The following NUMA1 variants were observed in gnomAD, a reference collection of about 807,000 sequenced individuals.
The protein encoded by NUMA1 is SP-H antigen.
NUMA1 carries 62 observed loss-of-function variants against 237.1 expected under a neutral mutation model. That is an observed-to-expected ratio of 0.26 (90% CI 0.21 to 0.32). The LOEUF (loss-of-function observed/expected upper bound fraction) is 0.32, where lower values mean the gene tolerates loss of function less well. Among genes scored for constraint, NUMA1 ranks in the 10% least tolerant of loss-of-function variants. The pLI, the probability that NUMA1 is intolerant of heterozygous loss-of-function variation, is 1.00. For missense variants in NUMA1, 2,533 were observed against 2,666.5 expected (o/e 0.95, Z 1.10); for synonymous variants, 1,028 against 1,066.1 (o/e 0.96, Z 0.70).
At chr11:72,011,585 A>G (rs1956167555) in intron 16 of NUMA1, among the ~76,000 whole-genome samples, 1 of 152,176 alleles carries the variant, frequency 6.6e-6, no homozygotes, top group African/African-American at 2.4e-5. Context: ...ACTGTTTGCT[A>G]TTCACTTTGA....
At chr11:72,009,733 C>G (rs5019605) in intron 17 of NUMA1, among the ~76,000 whole-genome samples, 141,022 of 152,132 alleles carry the variant, frequency 0.93, 65,610 homozygotes, top group Non-Finnish European at 0.98. Context: ...CAGAGCCTTA[C>G]TCTAAGGCAC....
chr11:72,057,045 C>A lies in NUMA1; in HGVS notation c.-33+12797G>T, dbSNP rs79641614. 4.5e-3 allele frequency among the ~76,000 whole-genome samples: 680 copies of A among 150,116 alleles called. 11 individuals carry two copies. Among genetic ancestry groups the A allele is most frequent in the African/African-American group, 0.015 (598 of 40,840 alleles). ...AGATACTATCAATTGTAAAATACAC[C>A]CCAATTTCAGTGTTAAAATATTAAA... is the stretch of plus-strand genomic sequence containing the variant. On this transcript the variant is annotated intron_variant, in intron 2 of 26. Coordinates refer to ENST00000393695, the MANE Select transcript of NUMA1 (RefSeq NM_006185.4).
chr11:72,018,923 G>T lies in NUMA1; in HGVS notation c.642C>A (p.Phe214Leu). 6.2e-7 allele frequency: 1 copy of T among 1,614,060 alleles called. No individual in the cohort carries two copies. The highest frequency in any genetic ancestry group is 8.5e-7 in the Non-Finnish European group (1 of 1,180,016). Residue 214 changes from phenylalanine (F) to leucine (L), a missense_variant, in exon 10 of 27, where the codon TTC becomes TTA. Physicochemically the swap from Phe to Leu is conservative, Grantham distance 22. This residue lies in a region of NUMA1 where 1,414 missense variants were observed against 1,508.1 expected (regional missense o/e 0.94). Transcript: ENST00000393695. The part of the protein sequence containing the change: ...PMGDILQTPQ[F>L]QMRRLKKQLA... ...GCTGCTTCTTCAGCCGTCTCATCTGGAACTGTGGGGTCTGCAGGATATCAC... is the reference window on the plus strand; with the variant it reads ...GCTGCTTCTTCAGCCGTCTCATCTGTAACTGTGGGGTCTGCAGGATATCAC...
chr11:72,019,044 G>A, intron 9 of NUMA1, 64 bp from the exon 10 acceptor site: 1 of 1,580,510 alleles, frequency 6.3e-7, no homozygotes, highest in Non-Finnish European at 8.6e-7. Flanking sequence ...TCAGCAACAG[G>A]CAGCAGTAAG....
At position 72,004,274 on chromosome 11, in the gene NUMA1, T is replaced by C. The variant is rs753891955; in HGVS notation, c.6074A>G (p.Gln2025Arg). Residue 2025 changes from glutamine to arginine, a missense_variant, in exon 25 of 27, where the codon CAG becomes CGG. This residue lies in a region of NUMA1 where 795 missense variants were observed against 750.8 expected (regional missense o/e 1.06). Transcript: ENST00000393695. The stretch of plus-strand genomic sequence containing the variant: ...TTTCTTCTGGGCCTCAGTAGTGCTC[T>C]GTTTGCGCCCTTCATGTCGGTCTCG... ...TPRDRHEGRK[Q>R]STTEAQKKAA... 7.4e-6 allele frequency: 12 copies of C among 1,613,476 alleles called. No homozygotes were observed. Among genetic ancestry groups the C allele is most frequent in the Non-Finnish European group, 1.0e-5 (12 of 1,179,884 alleles).
chr11:72,006,563 A>C (rs1955726542), intron 21 of NUMA1, among the ~76,000 whole-genome samples: 1 of 152,224 alleles, frequency 6.6e-6, no homozygotes, highest in African/African-American at 2.4e-5. Context: ...GCAAAGAAAT[A>C]AAGTGACTAG....
intron 20 of NUMA1, chr11:72,007,748 G>A (rs762114530): frequency 2.1e-5 from 9 of 419,816 alleles, no homozygotes; most frequent in African/African-American, 1.8e-4. Context: ...TCTTCCTCCT[G>A]CATCTCCCAT....
chr11:72,063,631 A>T (rs1173865276), intron 2 of NUMA1, among the ~76,000 whole-genome samples: 1 of 123,930 alleles, frequency 8.1e-6, no homozygotes, highest in Admixed American at 8.0e-5. Flanking sequence ...AAAAAAAAAA[A>T]GCTGGCTGGG....
intron 24 of NUMA1, 147 bp downstream of exon 24, chr11:72,004,493 A>T: frequency 8.3e-7 from 1 of 1,210,848 alleles, no homozygotes. Context: ...CCTTCCCAAC[A>T]GTTCCCATCC....
intron 2 of NUMA1, among the ~76,000 whole-genome samples, chr11:72,055,805 C>A (rs865881955): frequency 2.6e-5 from 4 of 151,142 alleles, no homozygotes; most frequent in East Asian, 3.9e-4. Flanking sequence ...CAAAGCAAGA[C>A]CCCCATCTCT....
chr11:72,025,095 G>A (rs1165587555), intron 4 of NUMA1, among the ~76,000 whole-genome samples: 41 of 152,178 alleles, frequency 2.7e-4, no homozygotes, highest in Admixed American at 2.2e-3. Flanking sequence ...ATGGGGTTTC[G>A]CCATGTTGGC....
intron 3 of NUMA1, among the ~76,000 whole-genome samples, chr11:72,032,145 A>G (rs952581908): frequency 2.0e-5 from 3 of 152,142 alleles, no homozygotes; most frequent in African/African-American, 7.2e-5. Context: ...TGGGTCACAG[A>G]GCAAGACCCT....
Position 72,058,025 on chromosome 11 carries a change from T to G in NUMA1, c.-33+11817A>C, listed in dbSNP as rs112678958. 3.9e-5 allele frequency among the ~76,000 whole-genome samples: 6 copies of G among 152,108 alleles called. No homozygotes were observed. In the East Asian group the frequency reaches 1.2e-3, roughly 29 times the overall value. On this transcript the variant is annotated intron_variant, in intron 2 of 26. Transcript: ENST00000393695. ...GGTGGAGGTTGCAGTGAGCCAAGAT[T>G]GTGCCACTGCATTACAGCCTGGGCA...
In NUMA1 at chr11:72,013,921, G is replaced by A; in HGVS notation, c.3582C>T (p.Ala1194=). 6.2e-7 allele frequency: 1 copy of A among 1,614,012 alleles called. No homozygotes were observed. Among genetic ancestry groups the A allele is most frequent in the Non-Finnish European group, 8.5e-7 (1 of 1,180,036 alleles). Residue 1194 remains alanine, a synonymous_variant, in exon 15 of 27, where the codon GCC becomes GCT. Coordinates refer to ENST00000393695, the MANE Select transcript of NUMA1 (RefSeq NM_006185.4). The surrounding 1 kb of genome is among the most constrained non-coding windows in gnomAD (Gnocchi z 6.8). ...ALASAQRELA[A]FRTKVQDHSK... ...TGTGGTCTTGTACCTTGGTGCGGAA[G>A]GCAGCCAACTCCCGTTGGGCCGAGG...
At chr11:72,068,956 T>C (rs1303832762) in intron 2 of NUMA1, among the ~76,000 whole-genome samples, 1 of 152,206 alleles carries the variant, frequency 6.6e-6, no homozygotes, top group Non-Finnish European at 1.5e-5. Flanking sequence ...CTTCTGGCTG[T>C]TTCTAAAAAT....
intron 2 of NUMA1, among the ~76,000 whole-genome samples, chr11:72,058,560 C>T (rs543036621): frequency 7.2e-5 from 11 of 152,252 alleles, no homozygotes; most frequent in African/African-American, 2.4e-4. Context: ...GTATCCTTGA[C>T]GTATTTCAAG....
At chr11:72,076,488 T>C (rs905738158) in intron 1 of NUMA1, 2 of 151,116 alleles carry the variant, frequency 1.3e-5, no homozygotes, top group Admixed American at 1.3e-4. Flanking sequence ...AAAAACGGAC[T>C]GTAAAGAAGT....
At chr11:72,031,697 C>G (rs1351750374) in intron 3 of NUMA1, among the ~76,000 whole-genome samples, 1 of 151,954 alleles carries the variant, frequency 6.6e-6, no homozygotes. Flanking sequence ...TCGCGTAGTC[C>G]CTGCTACTCG....
intron 16 of NUMA1, 35 bp from the exon 17 acceptor site, chr11:72,010,889 G>A (rs1312074621): frequency 6.3e-7 from 1 of 1,582,060 alleles, no homozygotes; most frequent in Non-Finnish European, 8.7e-7. Flanking sequence ...AGACTCAGGA[G>A]GACTTCCCCT....
Sources: allele counts gnomAD v4.1 joint callset (sites outside exome capture counted in the v4.1 genomes callset), GRCh38; gene constraint gnomAD v4.1.1; regional missense constraint gnomAD v4.1.1; non-coding constraint Gnocchi (gnomAD v3.1); transcripts MANE v1.5; gene names NCBI Gene and HGNC (gene_info 2026-07-23, HGNC 2026-07-21).